CASK: variants seen among roughly 807,000 people sequenced by gnomAD.
CASK encodes peripheral plasma membrane protein CASK.
In CASK, 4 loss-of-function variants were observed where a neutral mutation model predicts 82.9. The ratio of observed to expected loss-of-function variants is 0.05; its 90% confidence interval spans 0.02 to 0.11. The LOEUF (loss-of-function observed/expected upper bound fraction) is 0.11, where lower values mean the gene tolerates loss of function less well. CASK is among the 10% of genes least tolerant of loss of function. The pLI is 1.00. For missense variants in CASK, 358 were observed against 720.9 expected (o/e 0.50, Z 5.76); for synonymous variants, 259 against 253.5 (o/e 1.02, Z -0.20).
At chrX:41,750,212 A>C (rs1347471547) in intron 3 of CASK, among the ~76,000 whole-genome samples, 3 of 112,550 alleles carry the variant, frequency 2.7e-5, no homozygotes, top group African/African-American at 9.7e-5. Context: ...TATAGAAATA[A>C]AAACTAAAAA....
intron 5 of CASK, among the ~76,000 whole-genome samples, chrX:41,732,734 A>AT (rs1308041933): frequency 0.012 from 1,211 of 102,540 alleles, 19 homozygotes; most frequent in African/African-American, 0.037. Flanking sequence ...AAGCAAAAGA[A>AT]TTTTTTTTTT....
chrX:41,575,761 A>G (rs755285047), intron 15 of CASK, among the ~76,000 whole-genome samples: 1 of 111,303 alleles, frequency 9.0e-6, no homozygotes, highest in East Asian at 2.8e-4. Flanking sequence ...TTGAAAATAT[A>G]TATTTTATAT....
intron 3 of CASK, among the ~76,000 whole-genome samples, chrX:41,772,327 C>A (rs1221541875): frequency 2.9e-5 from 2 of 67,859 alleles, no homozygotes; most frequent in Non-Finnish European, 4.9e-5. Flanking sequence ...GCCTGGGCAA[C>A]AGAGTGAGAC....
intron 5 of CASK, among the ~76,000 whole-genome samples, chrX:41,721,676 T>C (rs983492661): frequency 3.6e-5 from 4 of 112,172 alleles, no homozygotes; most frequent in African/African-American, 1.3e-4. Context: ...AATTTACTAA[T>C]TGTATTCCTC....
intron 2 of CASK, among the ~76,000 whole-genome samples, chrX:41,803,571 GAC>G (rs1250665735): frequency 1.8e-5 from 2 of 111,602 alleles, no homozygotes; most frequent in Non-Finnish European, 3.8e-5. Flanking sequence ...CAGCCTGGGT[GAC>G]AGAGCGAGAC....
At chrX:41,803,018 G>T (rs1465779251) in intron 2 of CASK, among the ~76,000 whole-genome samples, 1 of 110,954 alleles carries the variant, frequency 9.0e-6, no homozygotes, top group South Asian at 3.8e-4. Context: ...AAATGAAGAA[G>T]GAAGCCAAAA....
chrX:41,728,289 G>A (rs1310292769), intron 5 of CASK: 1 of 245,086 alleles, frequency 4.1e-6, no homozygotes, highest in Non-Finnish European at 7.5e-6. Flanking sequence ...GAAACTAACA[G>A]GCTGTTTTCT....
chrX:41,771,417 T>G (rs1286644838), intron 3 of CASK, among the ~76,000 whole-genome samples: 1 of 111,842 alleles, frequency 8.9e-6, no homozygotes, highest in East Asian at 2.8e-4. Flanking sequence ...AAACAAAGGA[T>G]AAGTGTGTGG....
chrX:41,583,530 G>A (rs762561100), intron 14 of CASK, among the ~76,000 whole-genome samples: 24 of 110,345 alleles, frequency 2.2e-4, no homozygotes, highest in Non-Finnish European at 3.8e-4. Context: ...TCTGTCTCCT[G>A]GGTTCAGGTG....
chrX:41,694,100 A>G (rs1368185149), intron 5 of CASK, among the ~76,000 whole-genome samples: 1 of 112,064 alleles, frequency 8.9e-6, no homozygotes, highest in African/African-American at 3.2e-5. Flanking sequence ...CCTTTCCCAC[A>G]CAGTACTTAG....
chrX:41,727,520 G>A lies in CASK; in HGVS notation c.429+11864C>T. ...ATTTACATATGGGGAGTTGTACTGG[G>A]CATAATCATTCCAGTTACCGTATAC... On this transcript the variant is annotated intron_variant, in intron 5 of 26. Transcript: ENST00000378163. 1 of 1,209,757 alleles carries A rather than the reference G, an allele frequency of 8.3e-7. No individual in the cohort carries two copies. The highest frequency in any genetic ancestry group is 1.1e-6 in the Non-Finnish European group (1 of 893,770).
At chrX:41,814,005 C>G (rs2070361241) in intron 2 of CASK, among the ~76,000 whole-genome samples, 2 of 112,480 alleles carry the variant, frequency 1.8e-5, no homozygotes, top group South Asian at 3.7e-4. Flanking sequence ...CTCATCATCA[C>G]TGGCCATCAG....
At chrX:41,613,505 A>AG (rs1221411575) in intron 11 of CASK, among the ~76,000 whole-genome samples, 1 of 94,676 alleles carries the variant, frequency 1.1e-5, no homozygotes, top group East Asian at 3.3e-4. Flanking sequence ...GGAAGGCCGC[A>AG]GGGTCCTCTG....
chrX:41,648,179 C>G (rs1158970626), intron 8 of CASK, among the ~76,000 whole-genome samples: 1 of 110,921 alleles, frequency 9.0e-6, no homozygotes, highest in Non-Finnish European at 1.9e-5. Context: ...CCGCCCACCC[C>G]GAGGCGTACC....
rs397895684 is a variant in CASK at position 41,691,840 on chromosome X, CA to C, written c.430-20311del. Reference sequence around the variant, plus strand: ...TGGGTGACAGAGTGAGACTCTGTCTCAAAAAAAAAAAAAAAAAAAAAAAAAG... The same window carrying C: ...TGGGTGACAGAGTGAGACTCTGTCTCAAAAAAAAAAAAAAAAAAAAAAAAG... On this transcript the variant is annotated intron_variant, in intron 5 of 26. Transcript: ENST00000378163. Among the ~76,000 whole-genome samples the C allele has an allele frequency of 8.8e-3, 249 of 28,453 alleles. 2 individuals are homozygous for C. The highest frequency in any genetic ancestry group is 0.037 in the African/African-American group (243 of 6,526). The allele number at this position is 28,453 out of a possible 115,157, so 24.7% of individuals were successfully genotyped here. A position where few individuals can be genotyped will look rare whatever the true frequency, so the allele number is the denominator to read the frequency against.
At chrX:41,704,028 C>A (rs2067844624) in intron 5 of CASK, among the ~76,000 whole-genome samples, 1 of 109,723 alleles carries the variant, frequency 9.1e-6, no homozygotes, top group South Asian at 3.9e-4. Flanking sequence ...ATATCTATAC[C>A]CCTCCCCCTC....
intron 15 of CASK, among the ~76,000 whole-genome samples, chrX:41,570,048 G>A (rs190582788): frequency 1.1e-5 from 1 of 91,991 alleles, no homozygotes; most frequent in Non-Finnish European, 2.1e-5. Flanking sequence ...TGTCACCCAG[G>A]CTGGAGTGCA....
chrX:41,633,845 C>T (rs559789230), intron 9 of CASK, among the ~76,000 whole-genome samples: 6 of 109,660 alleles, frequency 5.5e-5, no homozygotes, highest in South Asian at 4.0e-4. Context: ...CTGCAACCTC[C>T]GCCTCCCAGG....
chrX:41,884,331 G>A lies in CASK; in HGVS notation c.60-31104C>T, dbSNP rs951106250. ...CAGTTTGTGGGACACCAGACCACAA[G>A]AAGCCACACCTAGACCTAATTGAGA... On this transcript the variant is annotated intron_variant, in intron 1 of 26. Coordinates refer to ENST00000378163, the MANE Select transcript of CASK (RefSeq NM_001367721.1). Among the ~76,000 whole-genome samples the A allele has an allele frequency of 8.0e-5, 9 of 112,137 alleles. No homozygotes were observed. In the South Asian group the frequency reaches 2.3e-3, roughly 28 times the overall value.
Sources: allele counts gnomAD v4.1 joint callset (sites outside exome capture counted in the v4.1 genomes callset), GRCh38; gene constraint gnomAD v4.1.1; transcripts MANE v1.5; gene names NCBI Gene and HGNC (gene_info 2026-07-23, HGNC 2026-07-21).